The following IQSEC1 variants were observed in gnomAD, a reference collection of about 807,000 sequenced individuals.
IQSEC1 encodes the protein IQ motif and Sec7 domain ArfGEF 1.
A neutral mutation model predicts 91.0 loss-of-function variants in IQSEC1; 31 were observed. The ratio of observed to expected loss-of-function variants is 0.34; its 90% CI spans 0.26 to 0.46. IQSEC1 has a LOEUF of 0.46. Among genes scored for constraint, IQSEC1 ranks in the 20% least tolerant of loss-of-function variants. The probability of loss-of-function intolerance (pLI) is 1.00; values close to 1 mark genes in which losing one functional copy is unlikely to be tolerated. For missense variants in IQSEC1, 1,388 were observed against 1,575.6 expected, an observed-to-expected ratio of 0.88 and a Z score of 2.02; for synonymous variants, 699 against 662.6, an observed-to-expected ratio of 1.05 and a Z score of -0.84.
chr3:12,933,241 AC>A (rs1466407965), intron 3 of IQSEC1, among the ~76,000 whole-genome samples: 3 of 152,118 alleles, frequency 2.0e-5, no homozygotes, highest in Non-Finnish European at 4.4e-5. Flanking sequence ...CAGCAATTCC[AC>A]TTCCAGCCAT....
At chr3:13,190,790 G>A (rs961574878) in intron 1 of IQSEC1, among the ~76,000 whole-genome samples, 11 of 152,288 alleles carry the variant, frequency 7.2e-5, no homozygotes, top group Admixed American at 1.3e-4. Context: ...AGAGTAAGCC[G>A]TAAGTTAAAG....
At chr3:13,085,525 C>A (rs1036918825) in intron 2 of IQSEC1, among the ~76,000 whole-genome samples, 2 of 152,194 alleles carry the variant, frequency 1.3e-5, no homozygotes, top group Non-Finnish European at 2.9e-5. Context: ...GCCTCCGTGA[C>A]GGCAGCCCTG....
At chr3:12,993,238 C>G (rs1702070185) in intron 1 of IQSEC1, among the ~76,000 whole-genome samples, 1 of 152,190 alleles carries the variant, frequency 6.6e-6, no homozygotes, top group South Asian at 2.1e-4. Flanking sequence ...CTCTTCCCCA[C>G]GTGGTAATGG....
Position 12,908,939 on chromosome 3 carries a change from C to A in IQSEC1, c.2578+334G>T, listed in dbSNP as rs896104487. Among the ~76,000 whole-genome samples the A allele has an allele frequency of 2.6e-5, 4 of 152,050 alleles. No individual in the cohort carries two copies. Among genetic ancestry groups the A allele is most frequent in the African/African-American group, 9.7e-5 (4 of 41,390 alleles). On this transcript the variant is annotated intron_variant, in intron 11 of 13. Transcript: ENST00000613206. This position sits in a 1 kb window ranked among gnomAD's most constrained non-coding sequence, Gnocchi z 4.9. Reference sequence around the variant, plus strand: ...CCAGGGATGGCCTTGGCTGTGTGACCCATCAGTCGGTTGAGCCTGATGCAG... The same window carrying A: ...CCAGGGATGGCCTTGGCTGTGTGACACATCAGTCGGTTGAGCCTGATGCAG...
intron 2 of IQSEC1, among the ~76,000 whole-genome samples, chr3:13,110,273 C>T (rs1706221165): frequency 1.3e-5 from 2 of 151,932 alleles, no homozygotes; most frequent in African/African-American, 4.8e-5. Context: ...TTTTTATTTT[C>T]CGTAGGCCTG....
intron 1 of IQSEC1, among the ~76,000 whole-genome samples, chr3:12,962,066 G>T (rs569080227): frequency 1.3e-5 from 2 of 152,372 alleles, no homozygotes; most frequent in East Asian, 1.9e-4. Context: ...TGAGGCCCAG[G>T]GAGGGATGGG....
chr3:12,909,127 G>T lies in IQSEC1; in HGVS notation c.2578+146C>A. ...CTCCTGCAGCCTGGGAACACAGACTGCCCCATCATGTGGCCATAGGGAAGG... is the reference window on the plus strand; with the variant it reads ...CTCCTGCAGCCTGGGAACACAGACTTCCCCATCATGTGGCCATAGGGAAGG... On this transcript the variant is annotated intron_variant, in intron 11 of 13. Transcript: ENST00000613206. The surrounding 1 kb of genome is among the most constrained non-coding windows in gnomAD (Gnocchi z 4.9). 1 of 815,040 alleles carries T rather than the reference G, an allele frequency of 1.2e-6. No homozygotes were observed. The highest frequency in any genetic ancestry group is 2.0e-6 in the Non-Finnish European group (1 of 504,854). The allele number at this position is 815,040 out of a possible 1,614,324, so 50.5% of individuals were successfully genotyped here. A position where few individuals can be genotyped will look rare whatever the true frequency, so the allele number is the denominator to read the frequency against.
intron 2 of IQSEC1, among the ~76,000 whole-genome samples, chr3:13,105,848 C>T (rs974586686): frequency 6.6e-6 from 1 of 152,196 alleles, no homozygotes; most frequent in African/African-American, 2.4e-5. Flanking sequence ...GCCTCCACCC[C>T]TAAGGGATGG....
chr3:12,982,397 C>T (rs536046809), intron 1 of IQSEC1, among the ~76,000 whole-genome samples: 64 of 152,334 alleles, frequency 4.2e-4, no homozygotes, highest in African/African-American at 1.5e-3. Flanking sequence ...GCAAAAGCCT[C>T]AGTCTATCCA....
chr3:12,936,642 C>T lies in IQSEC1; in HGVS notation c.374G>A (p.Arg125His), dbSNP rs1161508071. 8 of 1,608,250 alleles carry T rather than the reference C, an allele frequency of 5.0e-6. No homozygotes were observed. Among genetic ancestry groups the T allele is most frequent in the East Asian group, 2.2e-5 (1 of 44,634 alleles). ...CTGGCGAAACGCCGTCTGGATGGTG[C>T]GGGCCGCATGGCGGGTTACCAGGCG... is the stretch of plus-strand genomic sequence containing the variant. ...GGRLVTRHAA[R>H]TIQTAFRQYQ... Residue 125 changes from arginine (R) to histidine (H), a missense_variant, in exon 3 of 14, where the codon CGC becomes CAC. Coordinates refer to ENST00000613206, the MANE Select transcript of IQSEC1 (RefSeq NM_001134382.3).
chr3:13,025,674 G>A (rs1373604343), intron 1 of IQSEC1, among the ~76,000 whole-genome samples: 1 of 152,200 alleles, frequency 6.6e-6, no homozygotes, highest in Non-Finnish European at 1.5e-5. Flanking sequence ...TAAGGGGCAA[G>A]CCACTGTTCC....
intron 1 of IQSEC1, among the ~76,000 whole-genome samples, chr3:13,229,710 C>A (rs1178177834): frequency 6.6e-6 from 1 of 152,214 alleles, no homozygotes; most frequent in Non-Finnish European, 1.5e-5. Flanking sequence ...ACTGGAGCCT[C>A]TGCACACACT....
At chr3:12,988,746 A>G (rs1050859749) in intron 1 of IQSEC1, among the ~76,000 whole-genome samples, 4 of 152,294 alleles carry the variant, frequency 2.6e-5, no homozygotes, top group Middle Eastern at 6.8e-3. Context: ...GGTCACACGC[A>G]TGTTCTTATT....
At chr3:13,007,948 G>A (rs1702708516) in intron 1 of IQSEC1, among the ~76,000 whole-genome samples, 1 of 152,172 alleles carries the variant, frequency 6.6e-6, no homozygotes, top group African/African-American at 2.4e-5. Context: ...TGTCCTGTGG[G>A]AGGAGAGCTT....
At chr3:13,181,269 T>TCAAACAAA (rs139859471) in intron 1 of IQSEC1, among the ~76,000 whole-genome samples, 2 of 18,448 alleles carry the variant, frequency 1.1e-4, no homozygotes, top group Admixed American at 5.1e-4. Flanking sequence ...AGACTCCGTC[T>TCAAACAAA]CAAACAAACA....
intron 12 of IQSEC1, among the ~76,000 whole-genome samples, chr3:12,903,218 ACATAGCTG>A: frequency 6.6e-6 from 1 of 152,316 alleles, no homozygotes; most frequent in Middle Eastern, 3.4e-3. Flanking sequence ...GGCAGCTTCC[ACATAGCTG>A]CAAACAGCAT....
At position 13,254,446 on chromosome 3, in the gene IQSEC1, A is replaced by G. The variant is rs896193984; in HGVS notation, c.272+28265T>C. Among the ~76,000 whole-genome samples, 30 of 152,216 alleles carry G rather than the reference A, an allele frequency of 2.0e-4. 1 individual carries two copies. The highest frequency in any genetic ancestry group is 1.3e-4 in the Admixed American group (2 of 15,284). On this transcript the variant is annotated intron_variant, in intron 1 of 15. Coordinates refer to the IQSEC1 transcript ENST00000648114. ...CCAACTGGTGATCAGGAAGGCTAAG[A>G]TGTGCCTGAAACCATTCTGAGCAGA...
chr3:13,279,724 C>T (rs1695754249), intron 1 of IQSEC1, among the ~76,000 whole-genome samples: 1 of 152,236 alleles, frequency 6.6e-6, no homozygotes, highest in Non-Finnish European at 1.5e-5. Context: ...CTGGCTTAGC[C>T]TGGCATGCTC....
At chr3:13,104,065 C>A (rs1303898778) in intron 2 of IQSEC1, among the ~76,000 whole-genome samples, 1 of 152,160 alleles carries the variant, frequency 6.6e-6, no homozygotes, top group East Asian at 1.9e-4. Context: ...CGAACCCAGG[C>A]CATCTGTCTC....
Sources: allele counts gnomAD v4.1 joint callset (sites outside exome capture counted in the v4.1 genomes callset), GRCh38; gene constraint gnomAD v4.1.1; non-coding constraint Gnocchi (gnomAD v3.1); transcripts MANE v1.5; gene names NCBI Gene and HGNC (gene_info 2026-07-23, HGNC 2026-07-21).